Variants in SDCBP2 observed in about 807,000 individuals in gnomAD.
The protein encoded by SDCBP2 is syntenin-2.
In SDCBP2, 28 loss-of-function variants were observed where a neutral mutation model predicts 30.7. The ratio of observed to expected loss-of-function variants is 0.91; its 90% CI spans 0.68 to 1.25. The LOEUF is 1.25. Among genes scored for constraint, SDCBP2 ranks in the 50% most tolerant of loss-of-function variants. The probability of loss-of-function intolerance (pLI) is 0.00; values close to 1 mark genes in which losing one functional copy is unlikely to be tolerated. For missense variants in SDCBP2, 399 were observed against 379.0 expected (o/e 1.05, Z -0.44); for synonymous variants, 166 against 157.3 (o/e 1.06, Z -0.41).
Position 1,323,879 on chromosome 20 carries a change from T to A in SDCBP2, c.-19-3444A>T, listed in dbSNP as rs575053827. 6 of 152,194 alleles carry A rather than the reference T, an allele frequency of 3.9e-5. No homozygotes were observed. The East Asian group carries it at 1.2e-3, about 29-fold the overall frequency. 9.4% of individuals were successfully genotyped at this position (152,194 alleles called of 1,614,324 possible). A position where few individuals can be genotyped will look rare whatever the true frequency, so the allele number is the denominator to read the frequency against. ...TTCTGTCTACAGTTGGTTGGATCCATGGATGTGAAACCTGGGGATAGGAAA... is the reference window on the plus strand; with the variant it reads ...TTCTGTCTACAGTTGGTTGGATCCAAGGATGTGAAACCTGGGGATAGGAAA... On this transcript the variant is annotated intron_variant, in intron 1 of 8. Coordinates refer to ENST00000360779, the MANE Select transcript of SDCBP2 (RefSeq NM_080489.5).
At chr20:1,316,454 A>G (rs2088777658) in intron 4 of SDCBP2, among the ~76,000 whole-genome samples, 1 of 152,164 alleles carries the variant, frequency 6.6e-6, no homozygotes, top group African/African-American at 2.4e-5. Flanking sequence ...CAGTGCTGTG[A>G]TCTTGGCTCA....
At chr20:1,327,645 A>G (rs1462194905) in intron 1 of SDCBP2, among the ~76,000 whole-genome samples, 2 of 152,254 alleles carry the variant, frequency 1.3e-5, no homozygotes, top group Non-Finnish European at 2.9e-5. Flanking sequence ...TTGTGAGAGC[A>G]CAGCATAGGC....
chr20:1,310,145 C>G lies in SDCBP2; in HGVS notation c.*296G>C. ...TAGAGCAAAATTTCTTGAAAGGGGC[C>G]CAGTTGCGACTTTAAGCAGCGTTTA... On this transcript the variant is annotated 3_prime_UTR_variant, in exon 9 of 9. Coordinates refer to ENST00000360779, the MANE Select transcript of SDCBP2 (RefSeq NM_080489.5). 3.2e-6 allele frequency: 1 copy of G among 314,124 alleles called. No individual in the cohort carries two copies. Among genetic ancestry groups the G allele is most frequent in the Admixed American group, 4.7e-5 (1 of 21,452 alleles). 19.5% of individuals were successfully genotyped at this position (314,124 alleles called of 1,614,324 possible). A position where few individuals can be genotyped will look rare whatever the true frequency, so the allele number is the denominator to read the frequency against.
chr20:1,323,411 A>G (rs1197715535), intron 1 of SDCBP2: 1 of 152,170 alleles, frequency 6.6e-6, no homozygotes, highest in Non-Finnish European at 1.5e-5. Context: ...CCTAACATTT[A>G]ACCAGTAGAG....
In SDCBP2 at chr20:1,319,647, C is replaced by A; in HGVS notation, c.67G>T (p.Ala23Ser). 1 of 1,566,232 alleles carries A rather than the reference C, an allele frequency of 6.4e-7. No homozygotes were observed. The highest frequency in any genetic ancestry group is 8.7e-7 in the Non-Finnish European group (1 of 1,154,992). The change falls in exon 3 of 9, where the codon GCC becomes TCC. Residue 23 changes from alanine to serine, a missense_variant. Physicochemically the swap from Ala to Ser is moderately conservative, Grantham distance 99 (BLOSUM62 1). Coordinates refer to ENST00000360779, the MANE Select transcript of SDCBP2 (RefSeq NM_080489.5). ...GGCAGGGCTGGCATCTTGGGTGAGG[C>A]TCTGACCTGGGCCTGGGGAGGAGCA... ...VDQAIQAQVRASPKMPALPVQ... is the reference protein window; with the variant it reads ...VDQAIQAQVRSSPKMPALPVQ...
At position 1,312,773 on chromosome 20, in the gene SDCBP2, C is replaced by T; in HGVS notation, c.385-11G>A. 4 of 1,603,544 alleles carry T rather than the reference C, an allele frequency of 2.5e-6. No homozygotes were observed. Among genetic ancestry groups the T allele is most frequent in the Non-Finnish European group, 3.4e-6 (4 of 1,175,186 alleles). On this transcript the variant is annotated splice_polypyrimidine_tract_variant and intron_variant, in intron 5 of 8. Transcript: ENST00000360779. ...CTGCACAAAGAGCCCCTGGGGGAGG[C>T]AGGGCCCCAGAGTCAGTGTCCCTGG... is the stretch of plus-strand genomic sequence containing the variant.
rs2088705806 is a variant in SDCBP2 at position 1,313,126 on chromosome 20, G to A, written c.384+214C>T. On this transcript the variant is annotated intron_variant, in intron 5 of 8. Transcript: ENST00000360779. The surrounding 1 kb of genome is among the most constrained non-coding windows in gnomAD (Gnocchi z 5.2). ...AGGGAGGCTCCTCCGAGCGACGGAA[G>A]CCCACGGAGAGGCCAGTGGAGGGCC... The A allele has an allele frequency of 1.6e-6, 1 of 609,028 alleles. No homozygotes were observed. 37.7% of individuals were successfully genotyped at this position (609,028 alleles called of 1,614,324 possible). A position where few individuals can be genotyped will look rare whatever the true frequency, so the allele number is the denominator to read the frequency against.
rs2122508050 is a variant in SDCBP2, at chr20:1,313,377, C to G, written c.347G>C (p.Arg116Pro). 1.9e-6 allele frequency: 3 copies of G among 1,611,556 alleles called. No homozygotes were observed. In the East Asian group the frequency reaches 6.7e-5, roughly 36 times the overall value. The change falls in exon 5 of 9, where the codon CGC (arginine) becomes CCC (proline). Residue 116 changes from arginine (R) to proline (P), a missense_variant. Arg to Pro is a moderately radical substitution (Grantham distance 103). Coordinates refer to ENST00000360779, the MANE Select transcript of SDCBP2 (RefSeq NM_080489.5). The surrounding 1 kb of genome is among the most constrained non-coding windows in gnomAD (Gnocchi z 5.2). The part of the protein sequence containing the change: ...VREIHLCKDE[R>P]GKTGLRLRKV... ...CCGCAGCCTCAGCCCGGTCTTGCCGCGCTCGTCCTTGCACAGGTGGATCTC... is the reference window on the plus strand; with the variant it reads ...CCGCAGCCTCAGCCCGGTCTTGCCGGGCTCGTCCTTGCACAGGTGGATCTC...
intron 7 of SDCBP2, among the ~76,000 whole-genome samples, chr20:1,311,475 C>G (rs756678745): frequency 6.6e-6 from 1 of 152,230 alleles, no homozygotes; most frequent in Non-Finnish European, 1.5e-5. Context: ...CAAAGCGTGC[C>G]AGGTGGTCCA....
intron 4 of SDCBP2, chr20:1,317,768 C>G (rs2088798727): frequency 8.5e-6 from 2 of 236,604 alleles, no homozygotes; most frequent in Non-Finnish European, 1.7e-5. Flanking sequence ...TCAGGACGAG[C>G]CTGGCAGGAA....
chr20:1,327,128 C>T (rs1356605352), intron 1 of SDCBP2, among the ~76,000 whole-genome samples: 1 of 152,198 alleles, frequency 6.6e-6, no homozygotes, highest in Non-Finnish European at 1.5e-5. Context: ...AAAGAACCCA[C>T]CTAACCCCTC....
rs1457900700 is a variant in SDCBP2, at chr20:1,321,968, T to A, written c.-19-1533A>T. Reference sequence around the variant, plus strand: ...CAGTCCACCATCCTCTATTGGCTGTTACACCCAGACCATTGTACTCACTGG... The same window carrying A: ...CAGTCCACCATCCTCTATTGGCTGTAACACCCAGACCATTGTACTCACTGG... On this transcript the variant is annotated intron_variant, in intron 1 of 8. Transcript: ENST00000360779. The surrounding 1 kb of genome is among the most constrained non-coding windows in gnomAD (Gnocchi z 5.2). The A allele has an allele frequency of 6.6e-6, 1 of 152,232 alleles. No homozygotes were observed. The highest frequency in any genetic ancestry group is 2.4e-5 in the African/African-American group (1 of 41,454). The allele number at this position is 152,232 out of a possible 1,614,324, so 9.4% of individuals were successfully genotyped here. A position where few individuals can be genotyped will look rare whatever the true frequency, so the allele number is the denominator to read the frequency against.
chr20:1,310,872 A>G lies in SDCBP2; in HGVS notation c.752T>C (p.Ile251Thr), dbSNP rs2088654999. The stretch of plus-strand genomic sequence containing the variant: ...GACAACGTTCCCAGCCGTGGCCAGA[A>G]TCTCCATGATCTTTTTGTCCTAGGG... ...IGLKDKKIME[I>T]LATAGNVVTL... is the part of the protein sequence containing the mutation. The change falls in exon 8 of 9, where the codon ATT (isoleucine) becomes ACT (threonine). Residue 251 changes from isoleucine to threonine, a missense_variant. By Grantham distance (89) the Ile-to-Thr change is moderately conservative. Transcript: ENST00000360779. The G allele has an allele frequency of 3.7e-6, 6 of 1,613,890 alleles. No homozygotes were observed. The highest frequency in any genetic ancestry group is 5.1e-6 in the Non-Finnish European group (6 of 1,179,922).
chr20:1,311,279 TAAA>T (rs2088663731), intron 7 of SDCBP2, among the ~76,000 whole-genome samples: 1 of 152,156 alleles, frequency 6.6e-6, no homozygotes, highest in Non-Finnish European at 1.5e-5. Context: ...CCTCAAAGCA[TAAA>T]TGCCTCCCCA....
rs1403239832 is a variant in SDCBP2, at chr20:1,320,442, A to C, written c.-19-7T>G. On this transcript the variant is annotated splice_region_variant and splice_polypyrimidine_tract_variant and intron_variant, in intron 1 of 8. Coordinates refer to ENST00000360779, the MANE Select transcript of SDCBP2 (RefSeq NM_080489.5). The surrounding 1 kb of genome is among the most constrained non-coding windows in gnomAD (Gnocchi z 4.7). The stretch of plus-strand genomic sequence containing the variant: ...GGCTGATTCTCAGAACACCCTGCAG[A>C]GTGCAGAGGGTGGGGAAGGATAAGG... 1 of 1,609,252 alleles carries C rather than the reference A, an allele frequency of 6.2e-7. No homozygotes were observed. The highest frequency in any genetic ancestry group is 1.7e-5 in the Admixed American group (1 of 59,498).
rs368562659 is a variant in SDCBP2, at chr20:1,310,411, C to A, written c.*30G>T. On this transcript the variant is annotated 3_prime_UTR_variant, in exon 9 of 9. Transcript: ENST00000360779. The stretch of plus-strand genomic sequence containing the variant: ...CCTTTGCTGCAGGAGGGCGGGAAGC[C>A]CCCCCTGCCTGCCCTGCCCTGCAGT... The A allele has an allele frequency of 3.7e-6, 6 of 1,610,708 alleles. No individual in the cohort carries two copies. The highest frequency in any genetic ancestry group is 1.7e-5 in the Admixed American group (1 of 59,860).
chr20:1,311,470 C>T (rs1415855143), intron 7 of SDCBP2, among the ~76,000 whole-genome samples: 3 of 152,198 alleles, frequency 2.0e-5, no homozygotes, highest in Non-Finnish European at 4.4e-5. Context: ...CTACGCAAAG[C>T]GTGCCAGGTG....
Position 1,312,496 on chromosome 20 carries a change from C to T in SDCBP2, c.573G>A (p.Arg191=). 6.2e-7 allele frequency: 1 copy of T among 1,614,158 alleles called. No homozygotes were observed. Among genetic ancestry groups the T allele is most frequent in the Non-Finnish European group, 8.5e-7 (1 of 1,180,004 alleles). Residue 191 remains arginine (R), a synonymous_variant, in exon 7 of 9, where the codon CGG becomes CGA. Coordinates refer to ENST00000360779, the MANE Select transcript of SDCBP2 (RefSeq NM_080489.5). ...VVVVRDRPFQ[R]TVTMHKDSMG... is the part of the protein sequence containing the mutation. ...TGCTGTCCTTGTGCATGGTGACAGT[C>T]CGCTGGAACGGCCTGGCAGGAGGGA...
intron 1 of SDCBP2, among the ~76,000 whole-genome samples, chr20:1,328,265 T>C (rs189956061): frequency 2.0e-4 from 31 of 152,198 alleles, no homozygotes; most frequent in Non-Finnish European, 3.8e-4. Context: ...GCATTTACTG[T>C]AGTGAGATGG....
Sources: allele counts gnomAD v4.1 joint callset (sites outside exome capture counted in the v4.1 genomes callset), GRCh38; gene constraint gnomAD v4.1.1; non-coding constraint Gnocchi (gnomAD v3.1); transcripts MANE v1.5; gene names NCBI Gene and HGNC (gene_info 2026-07-23, HGNC 2026-07-21).